The following SLC10A7 variants were observed in gnomAD, a reference collection of about 807,000 sequenced individuals.
The protein encoded by SLC10A7 is solute carrier family 10 member 7.
SLC10A7 carries 29 observed loss-of-function variants against 43.2 expected under a neutral mutation model. The observed-to-expected ratio is 0.67, with a 90% CI of 0.50 to 0.92. The LOEUF is 0.92. Ranked by LOEUF, SLC10A7 falls within the 40% of genes least tolerant of loss-of-function variation. SLC10A7 has a pLI of 0.00. For missense variants in SLC10A7, 295 were observed against 403.2 expected (o/e 0.73, Z 2.30); for synonymous variants, 152 against 144.8 (o/e 1.05, Z -0.35).
intron 5 of SLC10A7, among the ~76,000 whole-genome samples, chr4:146,436,752 T>C (rs1360808983): frequency 6.6e-6 from 1 of 152,110 alleles, no homozygotes; most frequent in Non-Finnish European, 1.5e-5. Context: ...TTTCACCTTT[T>C]ATTAAAAGAA....
intron 10 of SLC10A7, among the ~76,000 whole-genome samples, chr4:146,278,173 T>G (rs1023113452): frequency 6.6e-6 from 1 of 152,158 alleles, no homozygotes; most frequent in Non-Finnish European, 1.5e-5. Context: ...TTTAAAGATT[T>G]TTTTTCTATG....
In SLC10A7 at chr4:146,285,980, GAAGGACTGTGTTTGGAGTGGTGAA is replaced by G. The variant is rs1372535547; in HGVS notation, c.774-2739_774-2716del. ...AGAAGGACTGAGTTTGGAGTGGTGA[GAAGGACTGTGTTTGGAGTGGTGAA>G]AAGGACTGTGTTTGGAGTGGTGAGA... On this transcript the variant is annotated intron_variant, in intron 9 of 11. Coordinates refer to ENST00000335472, the MANE Select transcript of SLC10A7 (RefSeq NM_001029998.6). Among the ~76,000 whole-genome samples the G allele has an allele frequency of 9.6e-4, 145 of 151,214 alleles. 2 individuals carry two copies. The South Asian group carries it at 0.019, about 20-fold the overall frequency.
intron 5 of SLC10A7, among the ~76,000 whole-genome samples, chr4:146,411,060 T>A (rs1207171986): frequency 1.3e-5 from 2 of 152,132 alleles, no homozygotes; most frequent in African/African-American, 4.8e-5. Context: ...GGTTTCGAAC[T>A]CCTGACTCAG....
At chr4:146,351,005 A>G (rs533360772) in intron 5 of SLC10A7, among the ~76,000 whole-genome samples, 3,173 of 150,666 alleles carry the variant, frequency 0.021, 123 homozygotes, top group African/African-American at 0.074. Flanking sequence ...GCAGTTCCTC[A>G]CCAGCAACGG....
At chr4:146,510,103 G>C (rs1419242640) in intron 2 of SLC10A7, 54 bp from the exon 3 acceptor site, 1 of 1,524,344 alleles carries the variant, frequency 6.6e-7, no homozygotes, top group Non-Finnish European at 8.8e-7. Flanking sequence ...ATTCCTGAAA[G>C]GAGATCCCTA....
chr4:146,360,056 T>C (rs1469588767), intron 5 of SLC10A7, among the ~76,000 whole-genome samples: 1 of 152,184 alleles, frequency 6.6e-6, no homozygotes, highest in Non-Finnish European at 1.5e-5. Flanking sequence ...ACCCACCTAA[T>C]AGTCCAAAAC....
intron 4 of SLC10A7, among the ~76,000 whole-genome samples, chr4:146,472,545 A>G (rs1347741478): frequency 6.6e-6 from 1 of 150,640 alleles, no homozygotes; most frequent in Non-Finnish European, 1.5e-5. Context: ...CCCAGCTGGG[A>G]TAGGAAGAGG....
At chr4:146,288,352 CA>C (rs1175712907) in intron 9 of SLC10A7, among the ~76,000 whole-genome samples, 9 of 152,162 alleles carry the variant, frequency 5.9e-5, no homozygotes, top group African/African-American at 1.9e-4. Context: ...AAGCACGTTG[CA>C]GCCAGTATTA....
At chr4:146,270,827 T>A (rs910481677) in intron 10 of SLC10A7, among the ~76,000 whole-genome samples, 2 of 152,212 alleles carry the variant, frequency 1.3e-5, no homozygotes, top group Admixed American at 1.3e-4. Context: ...AAAGATTACA[T>A]GCATTAATAA....
intron 5 of SLC10A7, among the ~76,000 whole-genome samples, chr4:146,396,273 G>A (rs1738816021): frequency 6.6e-6 from 1 of 151,896 alleles, no homozygotes; most frequent in African/African-American, 2.4e-5. Context: ...TAATTCAAAG[G>A]GCTTGCAACA....
At chr4:146,374,271 T>C (rs1438513022) in intron 5 of SLC10A7, among the ~76,000 whole-genome samples, 1 of 152,174 alleles carries the variant, frequency 6.6e-6, no homozygotes, top group African/African-American at 2.4e-5. Flanking sequence ...GCTCAATGAA[T>C]GTTTTCCCCT....
chr4:146,428,687 T>A lies in SLC10A7; in HGVS notation c.435+14096A>T, dbSNP rs181825613. ...TTTAGGATACTGTACAGTTTCTTTT[T>A]ATGCACTGTCTAGAAATTTAACTTT... is the stretch of plus-strand genomic sequence containing the variant. On this transcript the variant is annotated intron_variant, in intron 5 of 11. Transcript: ENST00000335472. Among the ~76,000 whole-genome samples the A allele has an allele frequency of 2.5e-3, 384 of 152,274 alleles. 1 individual carries two copies. Among genetic ancestry groups the A allele is most frequent in the Middle Eastern group, 0.014 (4 of 294 alleles).
At position 146,255,264 on chromosome 4, in the gene SLC10A7, A is replaced by G. The variant is rs1286864199; in HGVS notation, c.*1227T>C. On this transcript the variant is annotated 3_prime_UTR_variant, in exon 12 of 12. Transcript: ENST00000335472. ...TTACAGTTCTTGCAGCTATAGCAGA[A>G]GCAAATATTGGACACTCATTTGAAA... is the stretch of plus-strand genomic sequence containing the variant. 6.6e-6 allele frequency: 1 copy of G among 152,646 alleles called. No homozygotes were observed. The highest frequency in any genetic ancestry group is 2.4e-5 in the African/African-American group (1 of 41,452). 9.5% of individuals were successfully genotyped at this position (152,646 alleles called of 1,614,324 possible). A position where few individuals can be genotyped will look rare whatever the true frequency, so the allele number is the denominator to read the frequency against.
At chr4:146,328,019 C>A (rs1166079276) in intron 5 of SLC10A7, among the ~76,000 whole-genome samples, 13 of 152,176 alleles carry the variant, frequency 8.5e-5, no homozygotes, top group Admixed American at 7.9e-4. Flanking sequence ...CATATGGGGG[C>A]CTAGGGAATG....
intron 2 of SLC10A7, chr4:146,514,460 A>G (rs1414610793): frequency 1.3e-5 from 2 of 152,270 alleles, no homozygotes; most frequent in Non-Finnish European, 2.9e-5. Flanking sequence ...TCACTTCAAT[A>G]CAACAAAATT....
At chr4:146,481,602 AAGTACTATGCTGTGCCCCCCAGGGGC>A (rs1734481699) in intron 4 of SLC10A7, among the ~76,000 whole-genome samples, 2 of 152,136 alleles carry the variant, frequency 1.3e-5, no homozygotes, top group South Asian at 4.1e-4. Flanking sequence ...AGAGTTATGC[AAGTACTATGCTGTGCCCCCCAGGGGC>A]AGTACCATAA....
At chr4:146,268,506 A>T (rs1728701536) in intron 10 of SLC10A7, among the ~76,000 whole-genome samples, 1 of 152,198 alleles carries the variant, frequency 6.6e-6, no homozygotes, top group African/African-American at 2.4e-5. Flanking sequence ...TTCGGAAGCC[A>T]TTATCTGGAG....
At chr4:146,322,681 T>G (rs1179623145) in intron 6 of SLC10A7, among the ~76,000 whole-genome samples, 1 of 152,158 alleles carries the variant, frequency 6.6e-6, no homozygotes, top group Non-Finnish European at 1.5e-5. Context: ...ACAATAAACA[T>G]ACGTGTGCAT....
intron 5 of SLC10A7, among the ~76,000 whole-genome samples, chr4:146,347,819 A>C (rs970062350): frequency 6.6e-6 from 1 of 152,312 alleles, no homozygotes; most frequent in East Asian, 1.9e-4. Context: ...ATTTCTTAAG[A>C]GGAACAAAAA....
Sources: allele counts gnomAD v4.1 joint callset (sites outside exome capture counted in the v4.1 genomes callset), GRCh38; gene constraint gnomAD v4.1.1; transcripts MANE v1.5; gene names NCBI Gene and HGNC (gene_info 2026-07-23, HGNC 2026-07-21).